ZPLD1: variants seen among roughly 807,000 people sequenced by gnomAD.
The protein encoded by ZPLD1 is zona pellucida like domain containing 1.
In ZPLD1, 34 loss-of-function variants were observed where a neutral mutation model predicts 47.2. The observed-to-expected ratio is 0.72, with a 90% CI of 0.55 to 0.96. ZPLD1 has a LOEUF of 0.96. ZPLD1 is among the 40% of genes least tolerant of loss of function. The pLI, the probability that ZPLD1 is intolerant of heterozygous loss-of-function variation, is 0.00. For synonymous variants in ZPLD1, 176 were observed against 186.2 expected (o/e 0.95, Z 0.45); for missense variants, 512 against 505.8 (o/e 1.01, Z -0.12).
At chr3:102,390,042 T>C (rs955491146) in intron 6 of ZPLD1, among the ~76,000 whole-genome samples, 11 of 152,190 alleles carry the variant, frequency 7.2e-5, no homozygotes, top group Admixed American at 7.2e-4. Context: ...AAGAAATACT[T>C]AATGTGTTAC....
chr3:102,388,006 G>A (rs966737241), intron 6 of ZPLD1, among the ~76,000 whole-genome samples: 2 of 151,744 alleles, frequency 1.3e-5, no homozygotes, highest in African/African-American at 2.4e-5. Context: ...AACTACAGGC[G>A]CCCGCCACCA....
At chr3:102,463,517 T>G (rs1181271857) in intron 7 of ZPLD1, among the ~76,000 whole-genome samples, 2 of 152,182 alleles carry the variant, frequency 1.3e-5, no homozygotes, top group East Asian at 3.8e-4. Flanking sequence ...CTCCCCTTAA[T>G]GTGAAATTGA....
At chr3:102,428,694 T>A (rs1199631925) in intron 8 of ZPLD1, among the ~76,000 whole-genome samples, 1 of 151,056 alleles carries the variant, frequency 6.6e-6, no homozygotes, top group Non-Finnish European at 1.5e-5. Flanking sequence ...ATTTGTTCAA[T>A]CTTAGGTTTA....
chr3:102,411,916 T>A (rs2107299550), intron 7 of ZPLD1, among the ~76,000 whole-genome samples: 1 of 151,880 alleles, frequency 6.6e-6, no homozygotes. Flanking sequence ...ATCTAGGGAA[T>A]GTTTTAAGAA....
intron 8 of ZPLD1, among the ~76,000 whole-genome samples, chr3:102,422,128 A>G (rs1351790080): frequency 1.3e-5 from 2 of 152,010 alleles, no homozygotes; most frequent in African/African-American, 4.8e-5. Context: ...CCTTTGTAGC[A>G]AGATAATCAT....
At chr3:102,457,680 T>G in intron 5 of ZPLD1, 101 bp from the exon 6 acceptor site, 3 of 1,006,368 alleles carry the variant, frequency 3.0e-6, no homozygotes, top group Non-Finnish European at 4.6e-6. Context: ...TAACAGTATG[T>G]CAGAATTATT....
At chr3:102,395,286 A>C (rs1361444607) in intron 7 of ZPLD1, among the ~76,000 whole-genome samples, 1 of 152,166 alleles carries the variant, frequency 6.6e-6, no homozygotes, top group African/African-American at 2.4e-5. Context: ...AAAAATATAT[A>C]TACGTATATG....
At chr3:102,398,964 A>T (rs1227377433) in intron 7 of ZPLD1, among the ~76,000 whole-genome samples, 1 of 152,168 alleles carries the variant, frequency 6.6e-6, no homozygotes, top group Non-Finnish European at 1.5e-5. Flanking sequence ...TTCCAAAAGG[A>T]TACAAGATGG....
chr3:102,473,020 G>A (rs192456620), intron 10 of ZPLD1, among the ~76,000 whole-genome samples: 37 of 152,208 alleles, frequency 2.4e-4, no homozygotes, highest in South Asian at 6.2e-4. Flanking sequence ...TTAAATGGTG[G>A]CAGGCAAGAG....
chr3:102,450,168 C>T (rs1199352614), intron 3 of ZPLD1, among the ~76,000 whole-genome samples: 2 of 151,986 alleles, frequency 1.3e-5, no homozygotes, highest in African/African-American at 2.4e-5. Context: ...TTGGGGTAGG[C>T]GGAGCATTCC....
chr3:102,445,470 C>T (rs1707243034), intron 3 of ZPLD1, among the ~76,000 whole-genome samples: 1 of 152,128 alleles, frequency 6.6e-6, no homozygotes, highest in African/African-American at 2.4e-5. Flanking sequence ...AGGTGAAATC[C>T]ACCTATGAGC....
chr3:102,404,898 A>T (rs184443265), intron 7 of ZPLD1, among the ~76,000 whole-genome samples: 67 of 152,090 alleles, frequency 4.4e-4, no homozygotes, highest in Middle Eastern at 3.4e-3. Context: ...TATATAACAG[A>T]AAAGCCATAT....
chr3:102,392,530 T>C (rs1464618131), intron 7 of ZPLD1, among the ~76,000 whole-genome samples: 1 of 150,184 alleles, frequency 6.7e-6, no homozygotes, highest in Non-Finnish European at 1.5e-5. Context: ...CTTCCTTCCT[T>C]CCTTCCTCCC....
intron 8 of ZPLD1, among the ~76,000 whole-genome samples, chr3:102,421,331 T>C (rs941749772): frequency 5.9e-5 from 9 of 151,988 alleles, no homozygotes; most frequent in African/African-American, 2.2e-4. Context: ...ATTGTGGAAT[T>C]GGAAATAATT....
chr3:102,472,925 A>C (rs969862728), intron 10 of ZPLD1, among the ~76,000 whole-genome samples: 1 of 152,244 alleles, frequency 6.6e-6, no homozygotes, highest in Non-Finnish European at 1.5e-5. Context: ...TATAAAGAAA[A>C]AGAGATTTAA....
intron 7 of ZPLD1, among the ~76,000 whole-genome samples, chr3:102,414,924 C>CTGCTTG (rs1706787976): frequency 1.3e-5 from 2 of 151,798 alleles, no homozygotes; most frequent in Admixed American, 1.3e-4. Flanking sequence ...AAAACTTTAG[C>CTGCTTG]CTCATAGCTG....
upstream of ZPLD1, among the ~76,000 whole-genome samples, chr3:102,430,263 C>T (rs993673622): frequency 1.6e-4 from 24 of 152,230 alleles, no homozygotes; most frequent in African/African-American, 5.8e-4. Flanking sequence ...CTTCATCTGA[C>T]TAACTTGACT....
At chr3:102,404,260 A>G (rs1427164414) in intron 7 of ZPLD1, among the ~76,000 whole-genome samples, 6 of 151,998 alleles carry the variant, frequency 3.9e-5, no homozygotes, top group Non-Finnish European at 8.8e-5. Context: ...CTTATTAAGA[A>G]TGCAATAAGA....
At chr3:102,453,196 A>C in intron 4 of ZPLD1, 57 bp downstream of exon 4, 1 of 1,472,406 alleles carries the variant, frequency 6.8e-7, no homozygotes, top group Non-Finnish European at 9.4e-7. Context: ...AAATCTCCCC[A>C]TTTCATGAAA....
Sources: allele counts gnomAD v4.1 joint callset (sites outside exome capture counted in the v4.1 genomes callset), GRCh38; gene constraint gnomAD v4.1.1; transcripts MANE v1.5; gene names NCBI Gene and HGNC (gene_info 2026-07-23, HGNC 2026-07-21).